The following ST6GALNAC3 variants were observed in gnomAD, a reference collection of about 807,000 sequenced individuals.
The protein encoded by ST6GALNAC3 is ST6 N-acetylgalactosaminide alpha-2,6-sialyltransferase 3.
A neutral mutation model predicts 32.7 loss-of-function variants in ST6GALNAC3; 25 were observed. The ratio of observed to expected loss-of-function variants is 0.76; its 90% CI spans 0.56 to 1.07. The LOEUF (loss-of-function observed/expected upper bound fraction) is 1.07, where lower values mean the gene tolerates loss of function less well. Among genes scored for constraint, ST6GALNAC3 ranks in the 50% least tolerant of loss-of-function variants. The probability of loss-of-function intolerance (pLI) is 0.00; values close to 1 mark genes in which losing one functional copy is unlikely to be tolerated. For synonymous variants in ST6GALNAC3, 129 were observed against 133.1 expected, an observed-to-expected ratio of 0.97 and a Z score of 0.21; for missense variants, 355 against 382.4, an observed-to-expected ratio of 0.93 and a Z score of 0.60.
chr1:76,617,418 A>G lies in ST6GALNAC3; in HGVS notation c.624-10034A>G, dbSNP rs1221987089. The stretch of plus-strand genomic sequence containing the variant: ...AGAAGGAATGGCTGATAGGTGAACT[A>G]AAAGAGAAAGCCAAAATCTTTAATT... On this transcript the variant is annotated intron_variant, in intron 3 of 4. Transcript: ENST00000328299. 3.9e-5 allele frequency among the ~76,000 whole-genome samples: 6 copies of G among 152,294 alleles called. No individual in the cohort carries two copies. In the East Asian group the frequency reaches 5.8e-4, roughly 15 times the overall value.
chr1:76,290,549 T>A (rs1236020759), intron 1 of ST6GALNAC3, among the ~76,000 whole-genome samples: 1 of 152,188 alleles, frequency 6.6e-6, no homozygotes. Flanking sequence ...TGTCTACAGC[T>A]GCTCATTGAG....
chr1:76,555,929 T>G (rs1320539594), intron 3 of ST6GALNAC3, among the ~76,000 whole-genome samples: 2 of 152,116 alleles, frequency 1.3e-5, no homozygotes, highest in African/African-American at 4.8e-5. Context: ...TATGATACTG[T>G]GTTTTTTAGT....
chr1:76,294,428 A>G (rs1382849818), intron 1 of ST6GALNAC3, among the ~76,000 whole-genome samples: 1 of 152,092 alleles, frequency 6.6e-6, no homozygotes, highest in African/African-American at 2.4e-5. Flanking sequence ...AAACCTCACT[A>G]TTGTTTAACT....
intron 2 of ST6GALNAC3, among the ~76,000 whole-genome samples, chr1:76,389,590 C>T (rs564836149): frequency 3.3e-4 from 51 of 152,256 alleles, no homozygotes; most frequent in African/African-American, 1.1e-3. Context: ...AAAATCTGCA[C>T]GTTTAGTTTG....
chr1:76,123,236 G>A lies in ST6GALNAC3; in HGVS notation c.18+48352G>A, dbSNP rs190808100. Among the ~76,000 whole-genome samples the A allele has an allele frequency of 3.7e-3, 558 of 152,218 alleles. 4 individuals are homozygous for A. The highest frequency in any genetic ancestry group is 0.014 in the Middle Eastern group (4 of 294). ...AAAATACAAAAATTAGCTGGGCATGGTGGCAGACGCCTGTAATCCCATCTA... is the reference window on the plus strand; with the variant it reads ...AAAATACAAAAATTAGCTGGGCATGATGGCAGACGCCTGTAATCCCATCTA... On this transcript the variant is annotated intron_variant, in intron 1 of 4. Transcript: ENST00000328299.
intron 1 of ST6GALNAC3, among the ~76,000 whole-genome samples, chr1:76,139,807 C>T (rs754175684): frequency 1.3e-5 from 2 of 152,168 alleles, no homozygotes; most frequent in African/African-American, 4.8e-5. Context: ...TCAGATTTCT[C>T]GCCTGTGCAA....
intron 3 of ST6GALNAC3, among the ~76,000 whole-genome samples, chr1:76,557,426 C>G (rs1664993530): frequency 1.3e-5 from 2 of 151,962 alleles, no homozygotes; most frequent in South Asian, 4.2e-4. Context: ...GCGGGCTTCT[C>G]CAAACTCTCC....
chr1:76,385,302 A>G (rs1307043794), intron 2 of ST6GALNAC3, among the ~76,000 whole-genome samples: 2 of 152,122 alleles, frequency 1.3e-5, no homozygotes, highest in African/African-American at 2.4e-5. Context: ...TAACATTCTT[A>G]TCTATTATTT....
chr1:76,345,381 G>A (rs1648416844), intron 2 of ST6GALNAC3, among the ~76,000 whole-genome samples: 2 of 152,128 alleles, frequency 1.3e-5, no homozygotes, highest in Non-Finnish European at 2.9e-5. Context: ...ACAGAGTAGA[G>A]AGTAAGGGGT....
chr1:76,480,102 C>T (rs1369476482), intron 3 of ST6GALNAC3, among the ~76,000 whole-genome samples: 2 of 152,042 alleles, frequency 1.3e-5, no homozygotes, highest in Non-Finnish European at 2.9e-5. Context: ...GATTATTTTT[C>T]TTTACTGGTC....
intron 3 of ST6GALNAC3, among the ~76,000 whole-genome samples, chr1:76,593,203 A>C (rs1276359621): frequency 6.6e-6 from 1 of 152,156 alleles, no homozygotes; most frequent in African/African-American, 2.4e-5. Flanking sequence ...TTGTATGACA[A>C]ATTGTAATTA....
At chr1:76,516,116 G>T (rs1346914758) in intron 3 of ST6GALNAC3, among the ~76,000 whole-genome samples, 2 of 152,156 alleles carry the variant, frequency 1.3e-5, no homozygotes, top group South Asian at 4.1e-4. Context: ...GGATGGGCAT[G>T]CATATGCTGG....
At chr1:76,341,678 T>TTTCCTTCC (rs1553181681) in intron 2 of ST6GALNAC3, among the ~76,000 whole-genome samples, 5 of 121,202 alleles carry the variant, frequency 4.1e-5, no homozygotes, top group African/African-American at 7.2e-5. Context: ...TCTTTCTTTC[T>TTTCCTTCC]TTCCTTCTTT....
At chr1:76,190,235 T>C (rs1224553575) in intron 1 of ST6GALNAC3, among the ~76,000 whole-genome samples, 3 of 152,100 alleles carry the variant, frequency 2.0e-5, no homozygotes, top group African/African-American at 7.2e-5. Flanking sequence ...CCCTAATAGA[T>C]AGGAGGGTGG....
At chr1:76,371,435 G>T (rs1650806950) in intron 2 of ST6GALNAC3, among the ~76,000 whole-genome samples, 1 of 152,148 alleles carries the variant, frequency 6.6e-6, no homozygotes, top group Admixed American at 6.5e-5. Flanking sequence ...TAGTGGAAGG[G>T]CATCCTAGAA....
intron 3 of ST6GALNAC3, among the ~76,000 whole-genome samples, chr1:76,517,560 T>A (rs566674534): frequency 6.6e-4 from 100 of 152,098 alleles, no homozygotes; most frequent in African/African-American, 2.3e-3. Flanking sequence ...AAAGGCTTAC[T>A]GTAAATTATT....
Position 76,411,989 on chromosome 1 carries a change from T to C in ST6GALNAC3, c.214-19T>C. 1 of 1,602,656 alleles carries C rather than the reference T, an allele frequency of 6.2e-7. No homozygotes were observed. The highest frequency in any genetic ancestry group is 1.1e-5 in the South Asian group (1 of 89,226). On this transcript the variant is annotated intron_variant, in intron 2 of 4. Coordinates refer to ENST00000328299, the MANE Select transcript of ST6GALNAC3 (RefSeq NM_152996.4). ...AGTGGAATTTACTAATTTACATGCCTTCTTTCTCTATTTTTCAGCCTTTGC... is the reference window on the plus strand; with the variant it reads ...AGTGGAATTTACTAATTTACATGCCCTCTTTCTCTATTTTTCAGCCTTTGC...
At chr1:76,614,384 G>A (rs1243966348) in intron 3 of ST6GALNAC3, among the ~76,000 whole-genome samples, 1 of 152,130 alleles carries the variant, frequency 6.6e-6, no homozygotes, top group Non-Finnish European at 1.5e-5. Context: ...TTAACCCTTT[G>A]CTGCATACCA....
At chr1:76,276,699 G>A (rs1002046230) in intron 1 of ST6GALNAC3, among the ~76,000 whole-genome samples, 1 of 152,062 alleles carries the variant, frequency 6.6e-6, no homozygotes, top group Non-Finnish European at 1.5e-5. Context: ...TGGCATTGCC[G>A]AATGAAACCA....
Sources: gnomAD v4.1 joint callset for allele counts (sites outside exome capture counted in the v4.1 genomes callset) on GRCh38, gnomAD v4.1.1 for gene constraint, MANE v1.5 for transcripts, NCBI Gene and HGNC (gene_info 2026-07-23, HGNC 2026-07-21) for gene names.